The following CDH11 variants were observed in gnomAD, a reference collection of about 807,000 sequenced individuals.
CDH11 encodes cadherin-11.
In CDH11, 11 loss-of-function variants were observed where a neutral mutation model predicts 67.8. That is an observed-to-expected ratio of 0.16 (90% CI 0.10 to 0.27). The LOEUF (loss-of-function observed/expected upper bound fraction) is 0.27, where lower values mean the gene tolerates loss of function less well. CDH11 is among the 10% of genes least tolerant of loss of function. The pLI is 1.00. For missense variants in CDH11, 847 were observed against 1,031.2 expected, an observed-to-expected ratio of 0.82 and a Z score of 2.45; for synonymous variants, 419 against 400.0, an observed-to-expected ratio of 1.05 and a Z score of -0.57.
chr16:65,123,142 C>G (rs1457454076), upstream of CDH11, among the ~76,000 whole-genome samples: 1 of 152,086 alleles, frequency 6.6e-6, no homozygotes, highest in Non-Finnish European at 1.5e-5. Context: ...AAGGACTGGG[C>G]GGGGCGCTCG....
chr16:64,964,103 G>A (rs1027609939), intron 11 of CDH11, among the ~76,000 whole-genome samples: 2 of 152,202 alleles, frequency 1.3e-5, no homozygotes, highest in Non-Finnish European at 2.9e-5. Context: ...TTTGTTCACA[G>A]TAATAATTGC....
intron 11 of CDH11, among the ~76,000 whole-genome samples, chr16:64,959,541 T>C (rs1374359317): frequency 2.6e-5 from 4 of 152,182 alleles, no homozygotes; most frequent in Non-Finnish European, 5.9e-5. Context: ...ATCTATTTAT[T>C]TTTTTGTTGT....
In CDH11 at chr16:64,947,513, C is replaced by T; in HGVS notation, c.*90G>A. 2 of 1,515,676 alleles carry T rather than the reference C, an allele frequency of 1.3e-6. No homozygotes were observed. The allele number at this position is 1,515,676 out of a possible 1,614,324, so 93.9% of individuals were successfully genotyped here. On this transcript the variant is annotated 3_prime_UTR_variant, in exon 13 of 13. Transcript: ENST00000268603. ...CTTTGCCTGTTTTAAATGAGCCTTTCCTTGATTTAAAAAAATACCTGTTTA... is the reference window on the plus strand; with the variant it reads ...CTTTGCCTGTTTTAAATGAGCCTTTTCTTGATTTAAAAAAATACCTGTTTA...
At position 64,957,212 on chromosome 16, in the gene CDH11, C is replaced by T. The variant is rs866648159; in HGVS notation, c.1643-6194G>A. Among the ~76,000 whole-genome samples, 6 of 152,132 alleles carry T rather than the reference C, an allele frequency of 3.9e-5. No individual in the cohort carries two copies. In the South Asian group the frequency reaches 6.2e-4, roughly 16 times the overall value. On this transcript the variant is annotated intron_variant, in intron 11 of 12. Transcript: ENST00000268603. ...ACCAATCCTTTTCCTCTGTCCATCT[C>T]TTCTCTGAAGCTAAACAATCCTCAC...
chr16:65,112,002 G>A (rs368952351), intron 1 of CDH11, among the ~76,000 whole-genome samples: 62 of 150,746 alleles, frequency 4.1e-4, no homozygotes, highest in African/African-American at 1.5e-3. Flanking sequence ...CCCGGGAAGT[G>A]GAGGTTGCAA....
At chr16:65,025,174 C>A (rs2073506566) in intron 2 of CDH11, among the ~76,000 whole-genome samples, 1 of 152,126 alleles carries the variant, frequency 6.6e-6, no homozygotes, top group Admixed American at 6.5e-5. Context: ...ATGAAAAAAA[C>A]AACAAATGAT....
chr16:64,943,899 C>T lies in CDH11; in HGVS notation c.*3704G>A, dbSNP rs574594854. On this transcript the variant is annotated 3_prime_UTR_variant, in exon 13 of 13. Coordinates refer to ENST00000268603, the MANE Select transcript of CDH11 (RefSeq NM_001797.4). ...TAGTGGGGCAGTCAGTCCCACCCAC[C>T]CACACACATACATAAAGCCAAAAAG... The T allele has an allele frequency of 4.4e-6, 1 of 229,296 alleles. No homozygotes were observed. The highest frequency in any genetic ancestry group is 8.6e-6 in the Non-Finnish European group (1 of 115,662). 14.2% of individuals were successfully genotyped at this position (229,296 alleles called of 1,614,324 possible).
intron 1 of CDH11, among the ~76,000 whole-genome samples, chr16:65,075,455 T>G (rs1333727389): frequency 6.6e-6 from 1 of 152,166 alleles, no homozygotes; most frequent in African/African-American, 2.4e-5. Context: ...CTCTTGACTC[T>G]CACTCAAGCA....
intron 12 of CDH11, chr16:64,948,560 T>C (rs1167161794): frequency 6.9e-7 from 1 of 1,454,806 alleles, no homozygotes; most frequent in African/African-American, 1.4e-5. Flanking sequence ...CTTCTGCCAA[T>C]GTCTGAGAAA....
intron 4 of CDH11, among the ~76,000 whole-genome samples, 161 bp from the exon 5 acceptor site, chr16:64,993,195 A>ACCCTTCCTTCCTTCCTTCCT (rs2072674860): frequency 1.6e-5 from 1 of 61,976 alleles, no homozygotes; most frequent in East Asian, 6.2e-4. Flanking sequence ...CCAGCCAACC[A>ACCCTTCCTTCCTTCCTTCCT]ACCTTCCTTC....
In CDH11 at chr16:65,121,375, GC is replaced by G. The variant is rs2075326519; in HGVS notation, c.-298+504del. ...CGGCAGTCTCGACTGCAGGGACTAA[GC>G]CCCGGGGAGCTTTCGGCAGGGATCC... On this transcript the variant is annotated intron_variant, in intron 1 of 12. Transcript: ENST00000268603. This position sits in a 1 kb window ranked among gnomAD's most constrained non-coding sequence, Gnocchi z 4.1. Among the ~76,000 whole-genome samples, 1 of 152,206 alleles carries G rather than the reference GC, an allele frequency of 6.6e-6. No individual in the cohort carries two copies. The highest frequency in any genetic ancestry group is 1.5e-5 in the Non-Finnish European group (1 of 68,030).
chr16:65,042,851 C>T (rs144850285), intron 2 of CDH11, among the ~76,000 whole-genome samples: 38 of 152,264 alleles, frequency 2.5e-4, no homozygotes, highest in Admixed American at 5.2e-4. Context: ...GACATTCCAG[C>T]CCCTGTTCTC....
chr16:64,957,836 T>TG (rs1372554714), intron 11 of CDH11, among the ~76,000 whole-genome samples: 2 of 152,210 alleles, frequency 1.3e-5, no homozygotes, highest in Non-Finnish European at 2.9e-5. Context: ...TTGTGAATTT[T>TG]GAAAAATTAA....
intron 1 of CDH11, among the ~76,000 whole-genome samples, chr16:65,055,875 C>T (rs527722250): frequency 5.8e-4 from 88 of 152,200 alleles, no homozygotes; most frequent in Non-Finnish European, 3.8e-4. Context: ...AGAGGTGGGG[C>T]CTATGGGAGG....
At chr16:64,950,737 T>C in intron 12 of CDH11, 30 bp downstream of exon 12, 2 of 1,605,010 alleles carry the variant, frequency 1.2e-6, no homozygotes, top group South Asian at 2.2e-5. Context: ...TGCCTGGCCC[T>C]TCCTGCAGGG....
At chr16:64,948,815 A>G in intron 12 of CDH11, 1 of 1,512,152 alleles carries the variant, frequency 6.6e-7, no homozygotes, top group Non-Finnish European at 9.0e-7. Context: ...AGTCATTTAT[A>G]AGGAAAGTTC....
intron 3 of CDH11, among the ~76,000 whole-genome samples, chr16:65,003,084 G>GT (rs36008729): frequency 1.6e-3 from 183 of 117,392 alleles, no homozygotes; most frequent in South Asian, 8.0e-3. Flanking sequence ...ATCTATCTTT[G>GT]TTTTTTTTTT....
intron 5 of CDH11, 70 bp from the exon 6 acceptor site, chr16:64,992,005 A>ATTGCTTCCTCAGTG: frequency 5.2e-6 from 6 of 1,145,752 alleles, no homozygotes; most frequent in Non-Finnish European, 7.4e-6. Context: ...AGTTCTGAGC[A>ATTGCTTCCTCAGTG]CTGAGGAAGC....
chr16:65,113,331 A>AT (rs1287074944), intron 1 of CDH11, among the ~76,000 whole-genome samples: 1 of 151,782 alleles, frequency 6.6e-6, no homozygotes, highest in Non-Finnish European at 1.5e-5. Flanking sequence ...GTGAAAAGAG[A>AT]TTGGGTTAAG....
Sources: gnomAD v4.1 joint callset for allele counts (sites outside exome capture counted in the v4.1 genomes callset) on GRCh38, gnomAD v4.1.1 for gene constraint, Gnocchi (gnomAD v3.1) non-coding constraint, MANE v1.5 for transcripts, NCBI Gene and HGNC (gene_info 2026-07-23, HGNC 2026-07-21) for gene names.